PPP4R2: variants seen among roughly 807,000 people sequenced by gnomAD.
PPP4R2 encodes protein phosphatase 4 regulatory subunit 2, also known as serine/threonine-protein phosphatase 4 regulatory subunit 2.
In PPP4R2, 13 loss-of-function variants were observed where a neutral mutation model predicts 47.2. The ratio of observed to expected loss-of-function variants is 0.28; its 90% CI spans 0.18 to 0.44. The LOEUF (loss-of-function observed/expected upper bound fraction) is 0.44, where lower values mean the gene tolerates loss of function less well. PPP4R2 is among the 20% of genes least tolerant of loss of function. The probability of loss-of-function intolerance (pLI) is 1.00; values close to 1 mark genes in which losing one functional copy is unlikely to be tolerated. For missense variants in PPP4R2, 421 were observed against 491.2 expected, an observed-to-expected ratio of 0.86 and a Z score of 1.35; for synonymous variants, 151 against 163.3, an observed-to-expected ratio of 0.92 and a Z score of 0.57.
chr3:73,019,633 C>G (rs1174836722), intron 2 of PPP4R2, among the ~76,000 whole-genome samples: 1 of 152,188 alleles, frequency 6.6e-6, no homozygotes, highest in African/African-American at 2.4e-5. Flanking sequence ...TTTGGCTTCC[C>G]AAAGTGCTGG....
chr3:73,023,216 T>C (rs1483528191), intron 2 of PPP4R2, among the ~76,000 whole-genome samples: 1 of 151,868 alleles, frequency 6.6e-6, no homozygotes, highest in Non-Finnish European at 1.5e-5. Context: ...GGAATTTCGC[T>C]CTTGTTGCCC....
intron 5 of PPP4R2, chr3:73,063,193 A>T: frequency 2.5e-6 from 1 of 408,114 alleles, no homozygotes; most frequent in Non-Finnish European, 4.6e-6. Context: ...TCCTGATGTT[A>T]TACCAGGATC....
At chr3:73,018,499 G>T (rs1427058345) in intron 2 of PPP4R2, among the ~76,000 whole-genome samples, 2 of 81,124 alleles carry the variant, frequency 2.5e-5, no homozygotes, top group Admixed American at 2.2e-4. Flanking sequence ...TGTTGCCCAG[G>T]CTGGAGTGCA....
chr3:72,998,652 T>C (rs1201143312), intron 2 of PPP4R2, among the ~76,000 whole-genome samples: 1 of 152,214 alleles, frequency 6.6e-6, no homozygotes, highest in Non-Finnish European at 1.5e-5. Flanking sequence ...ATCTGACAAA[T>C]TCCAGATGCT....
At chr3:73,000,519 G>T (rs975722177) in intron 2 of PPP4R2, among the ~76,000 whole-genome samples, 1 of 152,150 alleles carries the variant, frequency 6.6e-6, no homozygotes, top group Admixed American at 6.6e-5. Flanking sequence ...TTTTAGAATT[G>T]TAAGTATAGG....
At chr3:73,063,018 A>G (rs956024379) in intron 5 of PPP4R2, 2 of 951,572 alleles carry the variant, frequency 2.1e-6, no homozygotes, top group East Asian at 2.5e-5. Flanking sequence ...CTTTGAGGAG[A>G]AAAAAAACAA....
In PPP4R2 at chr3:73,061,772, C is replaced by CA. The variant is rs575215809; in HGVS notation, c.419+713dup. The CA allele has an allele frequency of 1.8e-4, 53 of 297,896 alleles. 1 individual carries two copies. The East Asian group carries it at 5.9e-3, about 33-fold the overall frequency. The allele number at this position is 297,896 out of a possible 1,614,324, so 18.5% of individuals were successfully genotyped here. A position where few individuals can be genotyped will look rare whatever the true frequency, so the allele number is the denominator to read the frequency against. On this transcript the variant is annotated intron_variant, in intron 5 of 8. Coordinates refer to ENST00000356692, the MANE Select transcript of PPP4R2 (RefSeq NM_174907.4). ...AGGCTGGAGTGCGGTGATGAGTGAT[C>CA]ATAGCTCACTGCAGCCTTAAACTCT...
rs1702983468 is a variant in PPP4R2, at chr3:73,065,805, C to T, written c.*83C>T. 3.3e-6 allele frequency: 3 copies of T among 896,688 alleles called. No homozygotes were observed. Among genetic ancestry groups the T allele is most frequent in the Non-Finnish European group, 5.0e-6 (3 of 603,762 alleles). The allele number at this position is 896,688 out of a possible 1,614,324, so 55.5% of individuals were successfully genotyped here. On this transcript the variant is annotated 3_prime_UTR_variant, in exon 9 of 9. Transcript: ENST00000356692. ...TAAAACTTTTGTGTAATAAAATGGA[C>T]CTTTAGTTTTACAAGAGAAGCAGGT... is the stretch of plus-strand genomic sequence containing the variant.
At position 73,012,698 on chromosome 3, in the gene PPP4R2, C is replaced by G. The variant is rs150411389; in HGVS notation, c.116+14540C>G. Among the ~76,000 whole-genome samples the G allele has an allele frequency of 5.8e-3, 882 of 152,226 alleles. 1 individual carries two copies. The highest frequency in any genetic ancestry group is 9.1e-3 in the Admixed American group (139 of 15,284). ...TGTATTTCTATTTAAAATTGTGCAA[C>G]TAAAGGGAATTTAATATTTTTAGAG... is the stretch of plus-strand genomic sequence containing the variant. On this transcript the variant is annotated intron_variant, in intron 2 of 8. Transcript: ENST00000356692.
intron 2 of PPP4R2, among the ~76,000 whole-genome samples, chr3:73,017,873 G>T (rs991227899): frequency 6.6e-6 from 1 of 151,866 alleles, no homozygotes; most frequent in East Asian, 1.9e-4. Context: ...GATTACAGGC[G>T]ACCACCACCA....
chr3:73,021,878 G>GTGTA (rs1213676078), intron 2 of PPP4R2, among the ~76,000 whole-genome samples: 4 of 117,530 alleles, frequency 3.4e-5, no homozygotes, highest in South Asian at 5.3e-4. Flanking sequence ...GTGTGTGTGT[G>GTGTA]TGTATATATG....
At position 72,998,216 on chromosome 3, in the gene PPP4R2, G is replaced by A. The variant is rs566766441; in HGVS notation, c.116+58G>A. On this transcript the variant is annotated intron_variant, in intron 2 of 8. Coordinates refer to ENST00000356692, the MANE Select transcript of PPP4R2 (RefSeq NM_174907.4). ...CCAGTGCATTATTAAGAATTGCTCA[G>A]GAAAGGGAAAAAAGTATATTTTGGG... 1.3e-4 allele frequency: 143 copies of A among 1,071,974 alleles called. 1 individual carries two copies. The African/African-American group carries it at 1.9e-3, about 14-fold the overall frequency. The allele number at this position is 1,071,974 out of a possible 1,614,324, so 66.4% of individuals were successfully genotyped here. A position where few individuals can be genotyped will look rare whatever the true frequency, so the allele number is the denominator to read the frequency against.
rs1319335576 is a variant in PPP4R2 at position 73,067,509 on chromosome 3, A to T, written c.*1787A>T. The T allele has an allele frequency of 6.6e-6, 1 of 152,166 alleles. No individual in the cohort carries two copies. Among genetic ancestry groups the T allele is most frequent in the African/African-American group, 2.4e-5 (1 of 41,446 alleles). The allele number at this position is 152,166 out of a possible 1,614,324, so 9.4% of individuals were successfully genotyped here. A position where few individuals can be genotyped will look rare whatever the true frequency, so the allele number is the denominator to read the frequency against. ...CTAATAGTTGAAATAAAATCTGAATATTGATTTACTATACCCAAGAGGGGA... is the reference window on the plus strand; with the variant it reads ...CTAATAGTTGAAATAAAATCTGAATTTTGATTTACTATACCCAAGAGGGGA... On this transcript the variant is annotated 3_prime_UTR_variant, in exon 9 of 9. Coordinates refer to ENST00000356692, the MANE Select transcript of PPP4R2 (RefSeq NM_174907.4).
chr3:73,057,994 A>G (rs1169337120), intron 3 of PPP4R2, among the ~76,000 whole-genome samples: 1 of 152,100 alleles, frequency 6.6e-6, no homozygotes, highest in African/African-American at 2.4e-5. Context: ...AAGTCTGAAG[A>G]TTTGTTTGTA....
intron 2 of PPP4R2, among the ~76,000 whole-genome samples, chr3:73,046,496 A>G (rs1481980042): frequency 2.6e-5 from 4 of 152,182 alleles, no homozygotes; most frequent in African/African-American, 9.6e-5. Context: ...ATTTCCTTTT[A>G]TATTACTGGT....
At chr3:73,055,066 A>C (rs186429996) in intron 3 of PPP4R2, among the ~76,000 whole-genome samples, 1 of 152,114 alleles carries the variant, frequency 6.6e-6, no homozygotes. Flanking sequence ...ATAAGGTAAA[A>C]TGTGTGGTCC....
intron 2 of PPP4R2, among the ~76,000 whole-genome samples, chr3:73,044,619 C>A (rs943461765): frequency 6.6e-6 from 1 of 152,044 alleles, no homozygotes; most frequent in African/African-American, 2.4e-5. Flanking sequence ...CATCCTTGGC[C>A]AGCCAATACT....
At chr3:73,028,289 T>C (rs994439861) in intron 2 of PPP4R2, among the ~76,000 whole-genome samples, 160 of 149,016 alleles carry the variant, frequency 1.1e-3, no homozygotes, top group Middle Eastern at 3.5e-3. Context: ...GGGGTCTTAC[T>C]CAGCCTCCCA....
At chr3:73,020,313 T>A (rs1701932367) in intron 2 of PPP4R2, among the ~76,000 whole-genome samples, 1 of 152,102 alleles carries the variant, frequency 6.6e-6, no homozygotes. Flanking sequence ...CTCAGCCTCC[T>A]GAGTAGCTGA....
Sources: allele counts gnomAD v4.1 joint callset (sites outside exome capture counted in the v4.1 genomes callset), GRCh38; gene constraint gnomAD v4.1.1; transcripts MANE v1.5; gene names NCBI Gene and HGNC (gene_info 2026-07-23, HGNC 2026-07-21).